APC: variants seen among roughly 807,000 people sequenced by gnomAD.
APC encodes the protein adenomatous polyposis coli protein.
APC carries 72 observed loss-of-function variants against 247.0 expected under a neutral mutation model. That is an observed-to-expected ratio of 0.29 (90% CI 0.24 to 0.35). The LOEUF (loss-of-function observed/expected upper bound fraction) is 0.35. APC is among the 10% of genes least tolerant of loss of function. The probability of loss-of-function intolerance (pLI) is 1.00; values close to 1 mark genes in which losing one functional copy is unlikely to be tolerated. For missense variants in APC, 3,400 were observed against 3,360.7 expected (o/e 1.01, Z -0.29); for synonymous variants, 1,254 against 1,162.5 (o/e 1.08, Z -1.60).
Position 112,841,246 on chromosome 5 carries a change from A to C in APC, c.5652A>C (p.Ala1884=), listed in dbSNP as rs876658458. 6.2e-7 allele frequency: 1 copy of C among 1,613,838 alleles called. No individual in the cohort carries two copies. Residue 1884 remains alanine (A), a synonymous_variant, in exon 16 of 16, where the codon GCA becomes GCC. Coordinates refer to ENST00000257430, the MANE Select transcript of APC (RefSeq NM_000038.6). The surrounding 1 kb of genome is among the most constrained non-coding windows in gnomAD (Gnocchi z 4.6). ...LSREKAELRK[A]KENKESEAKV... ...GGGAAAAGGCTGAATTAAGAAAGGC[A>C]AAAGAAAATAAGGAATCAGAGGCTA... is the stretch of plus-strand genomic sequence containing the variant.
At chr5:112,830,990 CCTACT>C (rs1352630123) in intron 14 of APC, among the ~76,000 whole-genome samples, 2 of 152,212 alleles carry the variant, frequency 1.3e-5, no homozygotes, top group Non-Finnish European at 2.9e-5. Context: ...CTTAAGTACT[CCTACT>C]CTAATAACCC....
chr5:112,828,617 T>C (rs941082497), intron 13 of APC, among the ~76,000 whole-genome samples: 3 of 151,956 alleles, frequency 2.0e-5, no homozygotes, highest in African/African-American at 7.3e-5. Flanking sequence ...CCAGCTAATT[T>C]TTAAAAAGTT....
intron 6 of APC, among the ~76,000 whole-genome samples, chr5:112,787,107 C>T (rs1032306630): frequency 1.4e-4 from 22 of 152,034 alleles, no homozygotes; most frequent in African/African-American, 3.9e-4. Context: ...AGTCTGGCCT[C>T]GAACTCCTGA....
chr5:112,758,177 T>A (rs1312981067), intron 2 of APC, among the ~76,000 whole-genome samples: 1 of 152,154 alleles, frequency 6.6e-6, no homozygotes, highest in East Asian at 1.9e-4. Flanking sequence ...GTAATGAAAA[T>A]AAAATAGAGA....
chr5:112,790,326 G>A (rs1364556718), intron 6 of APC, among the ~76,000 whole-genome samples: 1 of 151,084 alleles, frequency 6.6e-6, no homozygotes, highest in African/African-American at 2.4e-5. Flanking sequence ...GGGGGTGGGG[G>A]TTGTTTTTGT....
rs112077048 is a variant in APC at position 112,826,222 on chromosome 5, G to T, written c.1409-886G>T. Among the ~76,000 whole-genome samples the T allele has an allele frequency of 7.8e-3, 1,187 of 152,206 alleles. 12 individuals are homozygous for T. Among genetic ancestry groups the T allele is most frequent in the African/African-American group, 0.027 (1,104 of 41,526 alleles). On this transcript the variant is annotated intron_variant, in intron 11 of 15. Coordinates refer to ENST00000257430, the MANE Select transcript of APC (RefSeq NM_000038.6). ...GACTTGTAGTATCCAAGAATTGCCT[G>T]TTTATATTCATCTTTTTCTTTCTGA...
intron 6 of APC, among the ~76,000 whole-genome samples, chr5:112,791,509 G>C (rs1759584455): frequency 6.6e-6 from 1 of 152,124 alleles, no homozygotes; most frequent in African/African-American, 2.4e-5. Context: ...CTTGTGAACT[G>C]CACATGTGAG....
chr5:112,841,167 G>A lies in APC; in HGVS notation c.5573G>A (p.Arg1858Gln), dbSNP rs369831474. 1.1e-5 allele frequency: 17 copies of A among 1,613,730 alleles called. 1 individual carries two copies. The highest frequency in any genetic ancestry group is 1.4e-5 in the Non-Finnish European group (17 of 1,179,854). Residue 1858 changes from arginine (R) to glutamine (Q), a missense_variant, in exon 16 of 16, where the codon CGA (arginine) becomes CAA (glutamine). This residue lies in a region of APC where 1,788 missense variants were observed against 1,649.5 expected (regional missense o/e 1.08). Coordinates refer to ENST00000257430, the MANE Select transcript of APC (RefSeq NM_000038.6). The surrounding 1 kb of genome is among the most constrained non-coding windows in gnomAD (Gnocchi z 4.6). The stretch of plus-strand genomic sequence containing the variant: ...GAAGGAACTCCTTACTGTTTTTCAC[G>A]AAATGATTCTTTGAGTTCTCTAGAT... ...PIEGTPYCFS[R>Q]NDSLSSLDFD...
rs4705609 is a variant in APC at position 112,742,073 on chromosome 5, A to G, written c.-19+4148A>G. ...CCTTTTGTCTATCATGAATAATGCT[A>G]CTATGAACGTGGGTGTGCAAGTGTC... On this transcript the variant is annotated intron_variant, in intron 1 of 15. Coordinates refer to ENST00000257430, the MANE Select transcript of APC (RefSeq NM_000038.6). 0.54 allele frequency among the ~76,000 whole-genome samples: 82,428 copies of G among 151,956 alleles called. 22,888 individuals are homozygous for G. Among genetic ancestry groups the G allele is most frequent in the East Asian group, 0.8 (4,151 of 5,166 alleles).
chr5:112,716,985 C>T (rs1751207817), intron 1 of APC, among the ~76,000 whole-genome samples: 1 of 152,198 alleles, frequency 6.6e-6, no homozygotes. Context: ...CAGCCCTTCT[C>T]ATATAGTTAT....
At chr5:112,734,668 C>A (rs1417849922), upstream of APC, among the ~76,000 whole-genome samples, 1 of 152,056 alleles carries the variant, frequency 6.6e-6, no homozygotes, top group Non-Finnish European at 1.5e-5. Flanking sequence ...AATTTTAATT[C>A]ATTTTACACT....
At chr5:112,712,392 G>A (rs746832526) in intron 1 of APC, among the ~76,000 whole-genome samples, 2 of 151,878 alleles carry the variant, frequency 1.3e-5, no homozygotes, top group East Asian at 3.9e-4. Context: ...TATATGTTTT[G>A]TTGTTTGTGA....
At chr5:112,717,908 CTTTTTTTTTTTTTTTTTTTT>C in intron 1 of APC, among the ~76,000 whole-genome samples, 3 of 40,656 alleles carry the variant, frequency 7.4e-5, no homozygotes, top group African/African-American at 2.6e-4. Flanking sequence ...TTTTCTTTTT[CTTTTTTTTTTTTTTTTTTTT>C]TTTTTTTTTG....
At chr5:112,834,334 C>T (rs1255511802) in intron 14 of APC, among the ~76,000 whole-genome samples, 1 of 150,632 alleles carries the variant, frequency 6.6e-6, no homozygotes, top group Non-Finnish European at 1.5e-5. Context: ...CTCTGCCTCC[C>T]AGGTTCAAGC....
chr5:112,778,967 A>G (rs1206165746), intron 5 of APC, among the ~76,000 whole-genome samples: 1 of 152,076 alleles, frequency 6.6e-6, no homozygotes, highest in Admixed American at 6.5e-5. Flanking sequence ...ACTGAAAGAG[A>G]GAAAACCGTT....
intron 13 of APC, among the ~76,000 whole-genome samples, 167 bp downstream of exon 13, chr5:112,828,173 A>T (rs1006811754): frequency 6.6e-6 from 1 of 152,100 alleles, no homozygotes; most frequent in African/African-American, 2.4e-5. Context: ...GGCTGGGCCT[A>T]CAGGTGCACA....
At chr5:112,741,507 C>G (rs1350087160) in intron 1 of APC, among the ~76,000 whole-genome samples, 1 of 152,186 alleles carries the variant, frequency 6.6e-6, no homozygotes, top group African/African-American at 2.4e-5. Flanking sequence ...TTCTCACACC[C>G]TGCACCCACT....
intron 11 of APC, among the ~76,000 whole-genome samples, chr5:112,822,976 C>G (rs1439600048): frequency 1.3e-5 from 2 of 152,210 alleles, no homozygotes; most frequent in African/African-American, 4.8e-5. Context: ...TCTGGCCATG[C>G]TTTCCTTCCT....
chr5:112,782,683 A>G (rs932062074), intron 6 of APC, among the ~76,000 whole-genome samples: 1 of 152,232 alleles, frequency 6.6e-6, no homozygotes, highest in African/African-American at 2.4e-5. Context: ...CTTTCAGTAG[A>G]AAATATACAT....
Sources: allele counts gnomAD v4.1 joint callset (sites outside exome capture counted in the v4.1 genomes callset), GRCh38; gene constraint gnomAD v4.1.1; regional missense constraint gnomAD v4.1.1; non-coding constraint Gnocchi (gnomAD v3.1); transcripts MANE v1.5; gene names NCBI Gene and HGNC (gene_info 2026-07-23, HGNC 2026-07-21).